Variants in SORCS2 observed in about 807,000 individuals in gnomAD.
SORCS2 encodes the protein VPS10 domain-containing receptor SorCS2.
In SORCS2, 100 loss-of-function variants were observed where a neutral mutation model predicts 141.6. The observed-to-expected ratio is 0.71, with a 90% CI of 0.60 to 0.83. SORCS2 has a LOEUF of 0.83. SORCS2 is among the 40% of genes least tolerant of loss of function. SORCS2 has a pLI of 0.00. For missense variants in SORCS2, 1,646 were observed against 1,560.2 expected, an observed-to-expected ratio of 1.05 and a Z score of -0.93; for synonymous variants, 789 against 676.9, an observed-to-expected ratio of 1.17 and a Z score of -2.57.
intron 1 of SORCS2, among the ~76,000 whole-genome samples, chr4:7,208,990 C>T (rs1322282021): frequency 3.3e-5 from 5 of 152,212 alleles, no homozygotes; most frequent in African/African-American, 9.6e-5. Flanking sequence ...GCCTGCGTCC[C>T]TCACCCCGGA....
chr4:7,721,246 G>T (rs1166965839), intron 18 of SORCS2, among the ~76,000 whole-genome samples: 1 of 152,128 alleles, frequency 6.6e-6, no homozygotes, highest in Non-Finnish European at 1.5e-5. Context: ...GGGTGGATCA[G>T]CTGAGGTCGG....
intron 18 of SORCS2, among the ~76,000 whole-genome samples, chr4:7,722,512 T>A (rs1015884955): frequency 6.6e-6 from 1 of 152,190 alleles, no homozygotes; most frequent in Admixed American, 6.5e-5. Context: ...TCCTCCAGCT[T>A]CCAGGGCTCC....
intron 1 of SORCS2, among the ~76,000 whole-genome samples, chr4:7,217,312 A>G (rs886460570): frequency 6.6e-5 from 10 of 152,194 alleles, no homozygotes; most frequent in African/African-American, 2.4e-4. Context: ...GCCCTCAGGC[A>G]TCACAGTGCT....
intron 4 of SORCS2, among the ~76,000 whole-genome samples, chr4:7,641,067 T>G (rs371233841): frequency 1.3e-5 from 2 of 152,118 alleles, no homozygotes; most frequent in Non-Finnish European, 2.9e-5. Flanking sequence ...GCTGCCCAAA[T>G]CAGCAGCCTT....
intron 3 of SORCS2, among the ~76,000 whole-genome samples, chr4:7,572,097 G>C (rs557638233): frequency 6.6e-6 from 1 of 152,176 alleles, no homozygotes; most frequent in African/African-American, 2.4e-5. Flanking sequence ...CTCATGCTCC[G>C]TGAAATTCAA....
chr4:7,699,204 G>A (rs1009127523), intron 12 of SORCS2, among the ~76,000 whole-genome samples: 8 of 152,130 alleles, frequency 5.3e-5, no homozygotes, highest in African/African-American at 1.9e-4. Flanking sequence ...CTCCCCACCC[G>A]GCCCTGCTGC....
At chr4:7,484,480 A>T (rs1416676219) in intron 2 of SORCS2, among the ~76,000 whole-genome samples, 2 of 152,080 alleles carry the variant, frequency 1.3e-5, no homozygotes, top group African/African-American at 4.8e-5. Flanking sequence ...CTGTCCAGGG[A>T]AGCCAGTCTC....
At chr4:7,481,732 T>C (rs956044442) in intron 2 of SORCS2, among the ~76,000 whole-genome samples, 2 of 152,034 alleles carry the variant, frequency 1.3e-5, no homozygotes, top group African/African-American at 4.8e-5. Context: ...CTGACATCCT[T>C]GTGGGAACAC....
At chr4:7,462,485 T>C (rs1231462395) in intron 2 of SORCS2, among the ~76,000 whole-genome samples, 1 of 152,148 alleles carries the variant, frequency 6.6e-6, no homozygotes, top group Non-Finnish European at 1.5e-5. Flanking sequence ...GAAGCCCAGA[T>C]AAAAGCAGGC....
In SORCS2 at chr4:7,193,628, C is replaced by G. The variant is rs1282795354; in HGVS notation, c.480+502C>G. ...TTCCCCGGTCAGCTCGAATCCTGTT[C>G]TGGGACTCTGGGATTTCTGGGTTAC... is the stretch of plus-strand genomic sequence containing the variant. On this transcript the variant is annotated intron_variant, in intron 1 of 26. Transcript: ENST00000507866. The surrounding 1 kb of genome is among the most constrained non-coding windows in gnomAD (Gnocchi z 4.8). 6.6e-6 allele frequency among the ~76,000 whole-genome samples: 1 copy of G among 152,230 alleles called. No homozygotes were observed. Among genetic ancestry groups the G allele is most frequent in the South Asian group, 2.1e-4 (1 of 4,836 alleles).
intron 1 of SORCS2, among the ~76,000 whole-genome samples, chr4:7,322,913 C>G (rs532205916): frequency 2.0e-5 from 3 of 152,334 alleles, no homozygotes; most frequent in East Asian, 3.9e-4. Context: ...TCCCCACCCC[C>G]ATCCAGACTG....
At position 7,324,413 on chromosome 4, in the gene SORCS2, C is replaced by T. The variant is rs2108951866; in HGVS notation, c.481-71875C>T. Among the ~76,000 whole-genome samples the T allele has an allele frequency of 2.0e-5, 3 of 152,324 alleles. No individual in the cohort carries two copies. In the East Asian group the frequency reaches 5.8e-4, roughly 29 times the overall value. On this transcript the variant is annotated intron_variant, in intron 1 of 26. Coordinates refer to ENST00000507866, the MANE Select transcript of SORCS2 (RefSeq NM_020777.3). Reference sequence around the variant, plus strand: ...AATCTAACAGGTGCCCCTGCAGCTCCAACTGGGCAACAGGCCGGGGAAGGG... The same window carrying T: ...AATCTAACAGGTGCCCCTGCAGCTCTAACTGGGCAACAGGCCGGGGAAGGG...
intron 2 of SORCS2, among the ~76,000 whole-genome samples, chr4:7,401,029 G>A (rs1464981323): frequency 1.8e-5 from 2 of 110,852 alleles, no homozygotes; most frequent in Non-Finnish European, 4.4e-5. Flanking sequence ...ATGGACAGGT[G>A]GATGGATGGA....
chr4:7,650,652 A>C (rs1260870055), intron 4 of SORCS2, among the ~76,000 whole-genome samples: 1 of 152,098 alleles, frequency 6.6e-6, no homozygotes, highest in African/African-American at 2.4e-5. Flanking sequence ...CTCAGAGGCC[A>C]TGACAGGGAG....
intron 1 of SORCS2, among the ~76,000 whole-genome samples, chr4:7,309,268 G>A (rs1037059202): frequency 1.3e-5 from 2 of 152,228 alleles, no homozygotes; most frequent in African/African-American, 4.8e-5. Context: ...AATCGGAGAT[G>A]CCACTGGTGA....
chr4:7,413,969 C>T (rs767693356), intron 2 of SORCS2, among the ~76,000 whole-genome samples: 9 of 152,082 alleles, frequency 5.9e-5, no homozygotes, highest in Non-Finnish European at 1.2e-4. Context: ...GTCTCTGAGG[C>T]TGTTGCTGAT....
intron 2 of SORCS2, among the ~76,000 whole-genome samples, chr4:7,443,351 AC>A (rs1727797280): frequency 2.0e-5 from 3 of 152,078 alleles, no homozygotes; most frequent in African/African-American, 2.4e-5. Flanking sequence ...TAGGGCGGGC[AC>A]CCGGGTGTTT....
chr4:7,315,187 C>T (rs541974834), intron 1 of SORCS2, among the ~76,000 whole-genome samples: 7 of 152,256 alleles, frequency 4.6e-5, no homozygotes, highest in South Asian at 2.1e-4. Context: ...CCCTGAGCTT[C>T]GAGTGAGCCT....
chr4:7,670,772 C>T (rs960911033), intron 8 of SORCS2, among the ~76,000 whole-genome samples: 10 of 150,184 alleles, frequency 6.7e-5, no homozygotes, highest in African/African-American at 2.3e-4. Context: ...GGCAAATGTG[C>T]GTGTGTCCCT....
Sources: allele counts gnomAD v4.1 joint callset (sites outside exome capture counted in the v4.1 genomes callset), GRCh38; gene constraint gnomAD v4.1.1; non-coding constraint Gnocchi (gnomAD v3.1); transcripts MANE v1.5; gene names NCBI Gene and HGNC (gene_info 2026-07-23, HGNC 2026-07-21).